Variants in DNAH7 observed in about 807,000 individuals in gnomAD.
DNAH7 encodes the protein dynein axonemal heavy chain 7, also known as axonemal beta dynein heavy chain 7.
A neutral mutation model predicts 444.6 loss-of-function variants in DNAH7; 397 were observed. The ratio of observed to expected loss-of-function variants is 0.89; its 90% CI spans 0.82 to 0.97. The LOEUF (loss-of-function observed/expected upper bound fraction) is 0.97, where lower values mean the gene tolerates loss of function less well. Ranked by LOEUF, DNAH7 falls within the 50% of genes least tolerant of loss-of-function variation. DNAH7 has a pLI of 0.00. For missense variants in DNAH7, 4,902 were observed against 4,800.8 expected (o/e 1.02, Z -0.62); for synonymous variants, 1,636 against 1,624.4 (o/e 1.01, Z -0.17).
intron 45 of DNAH7, among the ~76,000 whole-genome samples, chr2:195,854,291 T>G (rs749999341): frequency 6.6e-6 from 1 of 152,216 alleles, no homozygotes; most frequent in Non-Finnish European, 1.5e-5. Context: ...CTTATCTTGA[T>G]GTTCAAAAAT....
intron 30 of DNAH7, 75 bp downstream of exon 30, chr2:195,894,901 C>G: frequency 7.6e-7 from 1 of 1,321,992 alleles, no homozygotes; most frequent in Non-Finnish European, 9.9e-7. Context: ...TTGAATGCAT[C>G]TTTTAAAATA....
chr2:195,958,322 T>C (rs890822641), intron 18 of DNAH7, among the ~76,000 whole-genome samples: 2 of 152,208 alleles, frequency 1.3e-5, no homozygotes, highest in Non-Finnish European at 2.9e-5. Context: ...TATATTTTTC[T>C]CATGATTTTC....
At chr2:195,752,270 CAA>C (rs67890551) in intron 63 of DNAH7, among the ~76,000 whole-genome samples, 4,428 of 132,634 alleles carry the variant, frequency 0.033, 147 homozygotes, top group African/African-American at 0.1. Context: ...GACCCTATCT[CAA>C]AAAAAAAAAA....
chr2:195,991,680 G>T (rs1366034565), intron 12 of DNAH7, among the ~76,000 whole-genome samples: 1 of 152,114 alleles, frequency 6.6e-6, no homozygotes, highest in African/African-American at 2.4e-5. Context: ...CTAATGTGTT[G>T]CCCTTTATTC....
At chr2:195,745,053 C>A (rs1255388841) in intron 63 of DNAH7, among the ~76,000 whole-genome samples, 2 of 152,202 alleles carry the variant, frequency 1.3e-5, no homozygotes, top group East Asian at 3.8e-4. Flanking sequence ...GATCAAACTA[C>A]ACTGAGCTAC....
chr2:195,754,557 A>T, intron 62 of DNAH7, 43 bp from the exon 63 acceptor site: 3 of 1,565,504 alleles, frequency 1.9e-6, no homozygotes, highest in Non-Finnish European at 2.6e-6. Flanking sequence ...GCACCTTTCA[A>T]CCTTTTTTTC....
rs1327043127 is a variant in DNAH7, at chr2:196,068,837, T to C, written c.-126A>G. 2 of 1,246,842 alleles carry C rather than the reference T, an allele frequency of 1.6e-6. No homozygotes were observed. Among genetic ancestry groups the C allele is most frequent in the Non-Finnish European group, 2.2e-6 (2 of 907,814 alleles). 77.2% of individuals were successfully genotyped at this position (1,246,842 alleles called of 1,614,324 possible). ...CAGCTCCCTCCGCACCAGAGCCGTC[T>C]AGCGTCCGGGCAGCGTTTGTTGCTA... On this transcript the variant is annotated 5_prime_UTR_variant, in exon 1 of 65. Coordinates refer to ENST00000312428, the MANE Select transcript of DNAH7 (RefSeq NM_018897.3).
At chr2:195,956,638 G>A (rs112100115) in intron 19 of DNAH7, among the ~76,000 whole-genome samples, 7 of 138,724 alleles carry the variant, frequency 5.0e-5, no homozygotes, top group Non-Finnish European at 9.0e-5. Flanking sequence ...GTGACAGAGC[G>A]AGACTCTGTC....
intron 19 of DNAH7, among the ~76,000 whole-genome samples, chr2:195,951,010 T>C (rs10210928): frequency 0.056 from 8,475 of 152,104 alleles, 370 homozygotes; most frequent in African/African-American, 0.13. Flanking sequence ...GTTCTCTAGT[T>C]CTTTAAATTG....
intron 2 of DNAH7, among the ~76,000 whole-genome samples, chr2:196,057,079 T>C (rs986634940): frequency 1.3e-5 from 2 of 152,210 alleles, no homozygotes; most frequent in Admixed American, 6.5e-5. Context: ...TCTTAATTAC[T>C]GCGGAAGAAC....
At chr2:196,023,358 C>A (rs916060338) in intron 8 of DNAH7, among the ~76,000 whole-genome samples, 1 of 152,186 alleles carries the variant, frequency 6.6e-6, no homozygotes, top group South Asian at 2.1e-4. Flanking sequence ...GCCAACTAAA[C>A]CTCTTTTCTT....
At chr2:196,067,815 G>C (rs1245298510) in intron 1 of DNAH7, among the ~76,000 whole-genome samples, 1 of 152,168 alleles carries the variant, frequency 6.6e-6, no homozygotes, top group African/African-American at 2.4e-5. Context: ...AAATTTGCAG[G>C]CTTAAAAACA....
chr2:195,944,811 G>A (rs887785514), intron 19 of DNAH7, among the ~76,000 whole-genome samples: 30 of 151,978 alleles, frequency 2.0e-4, no homozygotes, highest in African/African-American at 6.5e-4. Context: ...CTTGAGCAGA[G>A]AATTTAAAAC....
chr2:195,747,769 T>C (rs1276554477), intron 63 of DNAH7, among the ~76,000 whole-genome samples: 2 of 152,108 alleles, frequency 1.3e-5, no homozygotes, highest in Non-Finnish European at 2.9e-5. Flanking sequence ...GAAAAGGCCT[T>C]TGACAAAATT....
intron 24 of DNAH7, among the ~76,000 whole-genome samples, chr2:195,918,730 CAG>C (rs1196981112): frequency 2.0e-5 from 3 of 152,142 alleles, no homozygotes; most frequent in Middle Eastern, 3.4e-3. Flanking sequence ...CAGTGGTCGA[CAG>C]GGGTTCTGCG....
chr2:195,946,780 G>A (rs1689840439), intron 19 of DNAH7, among the ~76,000 whole-genome samples: 1 of 152,010 alleles, frequency 6.6e-6, no homozygotes, highest in Non-Finnish European at 1.5e-5. Flanking sequence ...AGAAGCACAG[G>A]AGGAGAGAAG....
intron 5 of DNAH7, among the ~76,000 whole-genome samples, chr2:196,038,887 ATAT>A (rs1185270397): frequency 6.6e-6 from 1 of 152,200 alleles, no homozygotes; most frequent in African/African-American, 2.4e-5. Context: ...TATAAAGAAA[ATAT>A]TATTAAAGTT....
intron 25 of DNAH7, among the ~76,000 whole-genome samples, chr2:195,909,787 C>T (rs537603700): frequency 1.6e-4 from 24 of 152,314 alleles, no homozygotes; most frequent in South Asian, 1.2e-3. Flanking sequence ...AGGGACACCA[C>T]TTATTCCAAC....
intron 21 of DNAH7, among the ~76,000 whole-genome samples, chr2:195,932,012 G>A (rs1324699396): frequency 5.3e-5 from 8 of 152,154 alleles, no homozygotes; most frequent in Non-Finnish European, 1.5e-5. Flanking sequence ...ATTACCTTGG[G>A]CAGTATGGCC....
Sources: gnomAD v4.1 joint callset for allele counts (sites outside exome capture counted in the v4.1 genomes callset) on GRCh38, gnomAD v4.1.1 for gene constraint, MANE v1.5 for transcripts, NCBI Gene and HGNC (gene_info 2026-07-23, HGNC 2026-07-21) for gene names.